MACROD1: variants seen among roughly 807,000 people sequenced by gnomAD.
MACROD1 encodes mono-ADP ribosylhydrolase 1.
MACROD1 carries 31 observed loss-of-function variants against 41.4 expected under a neutral mutation model. That is an observed-to-expected ratio of 0.75 (90% CI 0.56 to 1.01). The LOEUF (loss-of-function observed/expected upper bound fraction) is 1.01, where lower values mean the gene tolerates loss of function less well. Ranked by LOEUF, MACROD1 falls within the 50% of genes least tolerant of loss-of-function variation. MACROD1 has a pLI of 0.00. For missense variants in MACROD1, 473 were observed against 460.0 expected (o/e 1.03, Z -0.26); for synonymous variants, 252 against 203.4 (o/e 1.24, Z -2.03).
At chr11:64,147,952 T>C (rs989214471) in intron 3 of MACROD1, among the ~76,000 whole-genome samples, 1 of 152,002 alleles carries the variant, frequency 6.6e-6, no homozygotes, top group African/African-American at 2.4e-5. Flanking sequence ...TTGGCCAGGC[T>C]GGTCTCAAAC....
chr11:64,047,042 C>G (rs1248914003), intron 3 of MACROD1, among the ~76,000 whole-genome samples: 1 of 151,070 alleles, frequency 6.6e-6, no homozygotes, highest in South Asian at 2.1e-4. Flanking sequence ...CGCCCCAGTG[C>G]CCCCCCCGGC....
At chr11:64,070,164 G>A (rs1045917689) in intron 3 of MACROD1, among the ~76,000 whole-genome samples, 5 of 152,188 alleles carry the variant, frequency 3.3e-5, no homozygotes, top group African/African-American at 9.7e-5. Flanking sequence ...ACCAGGTCGT[G>A]TGCTCAGGGT....
Position 64,036,683 on chromosome 11 carries a change from T to G in MACROD1, c.518-21402A>C, listed in dbSNP as rs112848802. On this transcript the variant is annotated intron_variant, in intron 3 of 10. Transcript: ENST00000255681. This position sits in a 1 kb window ranked among gnomAD's most constrained non-coding sequence, Gnocchi z 5.6. ...TTTTAAAACGACTTCAAGGGGGGCA[T>G]GAGCAGCCTCCAACTTCCCTCCCTG... Among the ~76,000 whole-genome samples the G allele has an allele frequency of 1.3e-5, 2 of 151,878 alleles. No homozygotes were observed. The highest frequency in any genetic ancestry group is 2.9e-5 in the Non-Finnish European group (2 of 67,966).
At chr11:64,160,153 T>A (rs1302512470) in intron 1 of MACROD1, among the ~76,000 whole-genome samples, 1 of 152,132 alleles carries the variant, frequency 6.6e-6, no homozygotes, top group Non-Finnish European at 1.5e-5. Flanking sequence ...GGGCTGACCC[T>A]TCTCAAACAG....
In MACROD1 at chr11:64,040,090, G is replaced by T. The variant is rs1751436299; in HGVS notation, c.518-24809C>A. ...TGAGCATTAGTTATTGCCAGGCACA[G>T]TGCTGGGCTCTGGGACAAAAGTGGG... On this transcript the variant is annotated intron_variant, in intron 3 of 10. Transcript: ENST00000255681. Among the ~76,000 whole-genome samples, 3 of 152,268 alleles carry T rather than the reference G, an allele frequency of 2.0e-5. No individual in the cohort carries two copies. The South Asian group carries it at 6.2e-4, about 31-fold the overall frequency.
At chr11:64,054,907 G>T (rs970214978) in intron 3 of MACROD1, among the ~76,000 whole-genome samples, 2 of 151,956 alleles carry the variant, frequency 1.3e-5, no homozygotes, top group African/African-American at 4.8e-5. Context: ...TTTCTGTCTT[G>T]GTGACCGCCC....
chr11:64,095,463 A>G (rs1366915817), intron 3 of MACROD1, among the ~76,000 whole-genome samples: 1 of 152,140 alleles, frequency 6.6e-6, no homozygotes, highest in Admixed American at 6.5e-5. Flanking sequence ...CAGGCAAAAA[A>G]TCCCTTGGCA....
At position 64,117,469 on chromosome 11, in the gene MACROD1, C is replaced by A. The variant is rs374535379; in HGVS notation, c.517+33770G>T. 2.3e-5 allele frequency: 37 copies of A among 1,612,946 alleles called. No homozygotes were observed. The African/African-American group carries it at 4.0e-4, about 17-fold the overall frequency. ...AAGACCACGGCCAGCAACCACGCCT[C>A]TGCCACCACGCCCCAGGGTTCCCTG... On this transcript the variant is annotated intron_variant, in intron 3 of 10. Transcript: ENST00000255681.
At chr11:64,002,211 G>A (rs1475959137) in intron 4 of MACROD1, among the ~76,000 whole-genome samples, 1 of 152,208 alleles carries the variant, frequency 6.6e-6, no homozygotes, top group Non-Finnish European at 1.5e-5. Flanking sequence ...GAGCCTCCCG[G>A]GTCGAGCACC....
intron 3 of MACROD1, 33 bp from the exon 4 acceptor site, chr11:64,015,314 G>A: frequency 2.5e-6 from 4 of 1,596,964 alleles, no homozygotes; most frequent in Non-Finnish European, 3.4e-6. Context: ...CAGATCAGTG[G>A]GGAAGGGGCT....
intron 3 of MACROD1, among the ~76,000 whole-genome samples, chr11:64,035,726 T>TGCCTC (rs1235166474): frequency 3.2e-5 from 1 of 31,524 alleles, no homozygotes; most frequent in African/African-American, 1.3e-4. Flanking sequence ...CTCCTCCCCC[T>TGCCTC]CCCCTCCTCC....
At chr11:64,154,588 T>C (rs1328728512) in intron 1 of MACROD1, among the ~76,000 whole-genome samples, 1 of 152,166 alleles carries the variant, frequency 6.6e-6, no homozygotes, top group African/African-American at 2.4e-5. Context: ...CTCTGGCCTC[T>C]CTCCCACCTC....
intron 3 of MACROD1, among the ~76,000 whole-genome samples, chr11:64,045,087 A>G (rs1198607987): frequency 6.6e-6 from 1 of 152,018 alleles, no homozygotes; most frequent in African/African-American, 2.4e-5. Context: ...GCTGAGGGGG[A>G]GCAGTCCGGG....
At chr11:64,065,178 C>T (rs1417822960) in intron 3 of MACROD1, among the ~76,000 whole-genome samples, 1 of 152,172 alleles carries the variant, frequency 6.6e-6, no homozygotes, top group Non-Finnish European at 1.5e-5. Flanking sequence ...GGGTGCAGGA[C>T]AGAGTTTCAG....
chr11:64,001,820 C>T, intron 4 of MACROD1: 1 of 692,220 alleles, frequency 1.4e-6, no homozygotes, highest in Non-Finnish European at 2.6e-6. Flanking sequence ...AGTGAGTGTT[C>T]CGAATGGGGT....
intron 1 of MACROD1, among the ~76,000 whole-genome samples, chr11:64,157,347 G>A (rs12361254): frequency 6.6e-6 from 1 of 152,154 alleles, no homozygotes; most frequent in Non-Finnish European, 1.5e-5. Context: ...ACCTGCCTCA[G>A]CCTCCGAAAG....
rs781561365 is a variant in MACROD1 at position 63,998,978 on chromosome 11, C to T, written c.950G>A (p.Arg317Gln). 4.4e-6 allele frequency: 7 copies of T among 1,606,480 alleles called. No individual in the cohort carries two copies. Among genetic ancestry groups the T allele is most frequent in the African/African-American group, 2.7e-5 (2 of 74,706 alleles). ...ACCCACGGGGAAGTAGTGGGGGAGC[C>T]GGCTCCGGTAGATGTCCTCGTCCTT... ...LEKDEDIYRS[R>Q]LPHYFPVA is the part of the protein sequence containing the mutation. Residue 317 changes from arginine (R) to glutamine (Q), a missense_variant, in exon 9 of 11, where the codon CGG becomes CAG. Coordinates refer to ENST00000255681, the MANE Select transcript of MACROD1 (RefSeq NM_014067.4).
intron 3 of MACROD1, chr11:64,119,225 T>A: frequency 6.1e-6 from 1 of 164,180 alleles, no homozygotes. Context: ...GGGATGGGAG[T>A]GAGGTGGGGG....
chr11:64,074,308 G>A (rs1944162522), intron 3 of MACROD1, among the ~76,000 whole-genome samples: 1 of 152,146 alleles, frequency 6.6e-6, no homozygotes, highest in South Asian at 2.1e-4. Context: ...CCTAGCTGCC[G>A]AGCTCCTATG....
Sources: gnomAD v4.1 joint callset for allele counts (sites outside exome capture counted in the v4.1 genomes callset) on GRCh38, gnomAD v4.1.1 for gene constraint, Gnocchi (gnomAD v3.1) non-coding constraint, MANE v1.5 for transcripts, NCBI Gene and HGNC (gene_info 2026-07-23, HGNC 2026-07-21) for gene names.